Variants in C1orf162 observed in about 807,000 individuals in gnomAD.
C1orf162 encodes the protein transmembrane protein C1orf162.
Under a neutral mutation model 11.4 loss-of-function variants are expected in C1orf162, and 10 were observed. That is an observed-to-expected ratio of 0.88 (90% CI 0.54 to 1.48). The LOEUF (loss-of-function observed/expected upper bound fraction) is 1.48, where lower values mean the gene tolerates loss of function less well. Ranked by LOEUF, C1orf162 falls within the 40% of genes most tolerant of loss-of-function variation. The pLI is 0.00. For missense variants in C1orf162, 140 were observed against 149.5 expected (o/e 0.94, Z 0.33); for synonymous variants, 53 against 55.0 (o/e 0.96, Z 0.16).
chr1:111,477,943 A>C (rs1248949127), intron 5 of C1orf162, 40 bp from the exon 6 acceptor site: 1 of 1,613,834 alleles, frequency 6.2e-7, no homozygotes, highest in Admixed American at 1.7e-5. Context: ...CTTTTGCTCC[A>C]GACTGGACTC....
chr1:111,478,036 C>T lies in C1orf162; in HGVS notation c.306C>T (p.Leu102=). The T allele has an allele frequency of 6.2e-7, 1 of 1,614,154 alleles. No homozygotes were observed. The highest frequency in any genetic ancestry group is 8.5e-7 in the Non-Finnish European group (1 of 1,179,976). The change falls in exon 6 of 6, where the codon CTC becomes CTT. Residue 102 remains leucine (L), a synonymous_variant. Transcript: ENST00000369718. ...SLTYASTTFK[L]SEEKSNHLAE... is the part of the protein sequence containing the mutation. ...CCTATGCCAGCACAACTTTCAAACT[C>T]TCAGAAGAAAAGAGCAATCACTTGG... is the stretch of plus-strand genomic sequence containing the variant.
intron 4 of C1orf162, 145 bp downstream of exon 4, chr1:111,477,573 C>A: frequency 6.6e-7 from 1 of 1,511,342 alleles, no homozygotes; most frequent in Non-Finnish European, 9.1e-7. Context: ...ACTGAAGATT[C>A]AAATCCCTTC....
At chr1:111,477,812 C>G (rs757691543) in intron 5 of C1orf162, 37 bp downstream of exon 5, 1 of 1,612,036 alleles carries the variant, frequency 6.2e-7, no homozygotes, top group Admixed American at 1.7e-5. Context: ...CACTGAAGGG[C>G]TACCGTCATT....
chr1:111,477,809 G>C (rs1341236606), intron 5 of C1orf162, 34 bp downstream of exon 5: 2 of 1,612,548 alleles, frequency 1.2e-6, no homozygotes, highest in African/African-American at 2.7e-5. Context: ...GGACACTGAA[G>C]GGCTACCGTC....
intron 4 of C1orf162, 32 bp from the exon 5 acceptor site, chr1:111,477,694 A>T: frequency 6.2e-7 from 1 of 1,612,802 alleles, no homozygotes; most frequent in Non-Finnish European, 8.5e-7. Context: ...CATTGCTGAG[A>T]TGGGTCCCTC....
chr1:111,477,603 C>T, intron 4 of C1orf162, 123 bp from the exon 5 acceptor site: 4 of 1,558,428 alleles, frequency 2.6e-6, no homozygotes, highest in Non-Finnish European at 3.5e-6. Flanking sequence ...CCGCCCTGCC[C>T]CCCACCCACC....
intron 3 of C1orf162, 170 bp downstream of exon 3, chr1:111,477,037 C>A: frequency 1.4e-6 from 1 of 740,004 alleles, no homozygotes; most frequent in Non-Finnish European, 2.3e-6. Flanking sequence ...AATTTGGCAT[C>A]CCCTAAGCTT....
chr1:111,474,106 G>C (rs1653919254), intron 1 of C1orf162, 76 bp downstream of exon 1: 1 of 152,218 alleles, frequency 6.6e-6, no homozygotes, highest in Non-Finnish European at 1.5e-5. Context: ...CTAATTGTTA[G>C]TGGTTTCTAT....
chr1:111,477,477 T>C, intron 4 of C1orf162, 49 bp downstream of exon 4: 2 of 1,555,544 alleles, frequency 1.3e-6, no homozygotes, highest in Non-Finnish European at 8.9e-7. Context: ...CTGCCATTGA[T>C]ACTAGAATTA....
chr1:111,476,899 T>C (rs1356485744), intron 3 of C1orf162, 32 bp downstream of exon 3: 1 of 1,604,028 alleles, frequency 6.2e-7, no homozygotes, highest in Non-Finnish European at 8.5e-7. Flanking sequence ...TGTTTCATCT[T>C]GTACCACGTG....
At chr1:111,475,994 A>C in intron 1 of C1orf162, 24 bp from the exon 2 acceptor site, 2 of 1,603,036 alleles carry the variant, frequency 1.2e-6, no homozygotes, top group Non-Finnish European at 1.7e-6. Context: ...AAGCTTTCTA[A>C]GAGATACCTT....
chr1:111,478,029 T>G lies in C1orf162; in HGVS notation c.299T>G (p.Phe100Cys). The G allele has an allele frequency of 6.2e-7, 1 of 1,614,128 alleles. No homozygotes were observed. Among genetic ancestry groups the G allele is most frequent in the Non-Finnish European group, 8.5e-7 (1 of 1,179,972 alleles). Residue 100 changes from phenylalanine (F) to cysteine (C), a missense_variant, in exon 6 of 6, where the codon TTC becomes TGC. Phe to Cys is a radical substitution (Grantham distance 205). Coordinates refer to ENST00000369718, the MANE Select transcript of C1orf162 (RefSeq NM_001300834.2). ...GESLTYASTT[F>C]KLSEEKSNHL... ...TCACTTACCTATGCCAGCACAACTTTCAAACTCTCAGAAGAAAAGAGCAAT... is the reference window on the plus strand; with the variant it reads ...TCACTTACCTATGCCAGCACAACTTGCAAACTCTCAGAAGAAAAGAGCAAT...
intron 2 of C1orf162, 69 bp from the exon 3 acceptor site, chr1:111,476,729 G>A (rs1408094594): frequency 6.5e-7 from 1 of 1,531,242 alleles, no homozygotes; most frequent in East Asian, 2.2e-5. Flanking sequence ...GGGCACCTGG[G>A]GAAACTTAAG....
chr1:111,477,237 T>C, intron 3 of C1orf162, 97 bp from the exon 4 acceptor site: 1 of 1,077,878 alleles, frequency 9.3e-7, no homozygotes, highest in Non-Finnish European at 1.4e-6. Context: ...GTGAAAACCA[T>C]TTCAGGAGTC....
intron 4 of C1orf162, 124 bp downstream of exon 4, chr1:111,477,552 C>A: frequency 6.7e-7 from 1 of 1,487,804 alleles, no homozygotes; most frequent in Non-Finnish European, 9.3e-7. Context: ...CTTAGCCCAC[C>A]CTGTCTGCAG....
At chr1:111,474,091 G>A (rs1653918694) in intron 1 of C1orf162, 61 bp downstream of exon 1, 1 of 152,190 alleles carries the variant, frequency 6.6e-6, no homozygotes, top group African/African-American at 2.4e-5. Flanking sequence ...AAAAGAAAGT[G>A]TCGTCTAATT....
chr1:111,478,150 C>G lies in C1orf162; in HGVS notation c.*27C>G. On this transcript the variant is annotated 3_prime_UTR_variant, in exon 6 of 6. Transcript: ENST00000369718. ...TCAGCTTTTCCAATGAGGCTTGAATCCATTTCCTCTCATCTCAGCCCTATC... is the reference window on the plus strand; with the variant it reads ...TCAGCTTTTCCAATGAGGCTTGAATGCATTTCCTCTCATCTCAGCCCTATC... 1 of 1,613,222 alleles carries G rather than the reference C, an allele frequency of 6.2e-7. No individual in the cohort carries two copies. The highest frequency in any genetic ancestry group is 1.7e-5 in the Admixed American group (1 of 60,034).
In C1orf162 at chr1:111,477,344, T is replaced by C. The variant is rs1313108555; in HGVS notation, c.118T>C (p.Leu40=). Residue 40 remains leucine (L), a synonymous_variant, in exon 4 of 6, where the codon TTA becomes CTA. Coordinates refer to ENST00000369718, the MANE Select transcript of C1orf162 (RefSeq NM_001300834.2). ...CLSNHHNKKH[L]ILAFCAGVLL... ...TCTTTGCCAAAACAGCAAAAAACATTTAATCCTTGCCTTTTGTGCTGGGGT... is the reference window on the plus strand; with the variant it reads ...TCTTTGCCAAAACAGCAAAAAACATCTAATCCTTGCCTTTTGTGCTGGGGT... 8 of 1,613,982 alleles carry C rather than the reference T, an allele frequency of 5.0e-6. No homozygotes were observed. The highest frequency in any genetic ancestry group is 6.8e-6 in the Non-Finnish European group (8 of 1,179,886).
chr1:111,476,755 G>A, intron 2 of C1orf162, 43 bp from the exon 3 acceptor site: 1 of 1,596,478 alleles, frequency 6.3e-7, no homozygotes, highest in South Asian at 1.1e-5. Context: ...AGGGTATCAT[G>A]AAAAGTGACA....
Sources: gnomAD v4.1 joint callset for allele counts on GRCh38, gnomAD v4.1.1 for gene constraint, MANE v1.5 for transcripts, NCBI Gene and HGNC (gene_info 2026-07-23, HGNC 2026-07-21) for gene names.